The following CAPRIN2 variants were observed in gnomAD, a reference collection of about 807,000 sequenced individuals.
CAPRIN2 encodes caprin family member 2.
In CAPRIN2, 66 loss-of-function variants were observed where a neutral mutation model predicts 130.4. The observed-to-expected ratio is 0.51, with a 90% CI of 0.42 to 0.62. CAPRIN2 has a LOEUF of 0.62. Ranked by LOEUF, CAPRIN2 falls within the 20% of genes least tolerant of loss-of-function variation. The probability of loss-of-function intolerance (pLI) is 0.00; values close to 1 mark genes in which losing one functional copy is unlikely to be tolerated. For missense variants in CAPRIN2, 1,185 were observed against 1,246.6 expected, an observed-to-expected ratio of 0.95 and a Z score of 0.74; for synonymous variants, 471 against 444.1, an observed-to-expected ratio of 1.06 and a Z score of -0.76.
intron 4 of CAPRIN2, 94 bp downstream of exon 5, chr12:30,734,873 CA>C (rs2063999509): frequency 1.3e-6 from 1 of 776,930 alleles, no homozygotes; most frequent in Non-Finnish European, 2.3e-6. Flanking sequence ...CACACACACA[CA>C]CACACACACA....
chr12:30,734,917 A>G, intron 4 of CAPRIN2, 51 bp downstream of exon 5: 1 of 1,232,766 alleles, frequency 8.1e-7, no homozygotes, highest in Non-Finnish European at 1.2e-6. Flanking sequence ...CACCCCTAAA[A>G]AGCTAAAGTG....
At chr12:30,752,730 G>C (rs1385752150) in intron 1 of CAPRIN2, among the ~76,000 whole-genome samples, 1 of 151,954 alleles carries the variant, frequency 6.6e-6, no homozygotes, top group East Asian at 1.9e-4. Flanking sequence ...AAAAGCAGAA[G>C]AGAAACGTAA....
At chr12:30,749,396 G>T (rs148589494) in intron 2 of CAPRIN2, among the ~76,000 whole-genome samples, 1 of 152,170 alleles carries the variant, frequency 6.6e-6, no homozygotes, top group Non-Finnish European at 1.5e-5. Context: ...CAGGATCACT[G>T]AGTTTACTAC....
At chr12:30,749,020 G>A (rs116955139) in intron 2 of CAPRIN2, among the ~76,000 whole-genome samples, 4 of 152,276 alleles carry the variant, frequency 2.6e-5, no homozygotes, top group Non-Finnish European at 5.9e-5. Flanking sequence ...AGTGTGAATG[G>A]GGAAGTGGAG....
intron 5 of CAPRIN2, 96 bp downstream of exon 6, chr12:30,733,533 G>C (rs2063440956): frequency 7.5e-6 from 6 of 796,900 alleles, no homozygotes; most frequent in Non-Finnish European, 1.3e-5. Context: ...TGTAAGTTCT[G>C]ATGGACTAAC....
At chr12:30,723,191 T>G in intron 11 of CAPRIN2, 68 bp downstream of exon 12, 1 of 1,091,642 alleles carries the variant, frequency 9.2e-7, no homozygotes, top group Non-Finnish European at 1.4e-6. Context: ...GTAAGTCTGA[T>G]TATTCTTTCC....
chr12:30,747,837 T>C (rs1486443377), intron 2 of CAPRIN2, among the ~76,000 whole-genome samples: 1 of 152,150 alleles, frequency 6.6e-6, no homozygotes, highest in African/African-American at 2.4e-5. Flanking sequence ...TGGGAGGATG[T>C]CAAAATATCA....
At chr12:30,722,564 G>C (rs1041136003) in intron 11 of CAPRIN2, among the ~76,000 whole-genome samples, 1 of 152,136 alleles carries the variant, frequency 6.6e-6, no homozygotes, top group African/African-American at 2.4e-5. Context: ...TGAATTGGAG[G>C]AAAGTAGGAA....
intron 12 of CAPRIN2, among the ~76,000 whole-genome samples, chr12:30,718,620 A>G (rs1415176231): frequency 6.6e-6 from 1 of 152,244 alleles, no homozygotes; most frequent in Non-Finnish European, 1.5e-5. Context: ...AATCTGAACA[A>G]ATCTCCAAAA....
In CAPRIN2 at chr12:30,739,716, A is replaced by G. The variant is rs77730217; in HGVS notation, c.570+1304T>C. Among the ~76,000 whole-genome samples, 300 of 147,898 alleles carry G rather than the reference A, an allele frequency of 2.0e-3. 1 individual carries two copies. The highest frequency in any genetic ancestry group is 6.9e-3 in the African/African-American group (283 of 40,798). Reference sequence around the variant, plus strand: ...GGCGACAGGGCAAGACTCCGTCTCAAAAAAAAAAAAAAAAGAATAAGTTAC... The same window carrying G: ...GGCGACAGGGCAAGACTCCGTCTCAGAAAAAAAAAAAAAAGAATAAGTTAC... On this transcript the variant is annotated intron_variant, in intron 3 of 16. Transcript: ENST00000298892.
intron 5 of CAPRIN2, among the ~76,000 whole-genome samples, chr12:30,731,837 A>G (rs551327066): frequency 5.9e-5 from 9 of 152,018 alleles, no homozygotes; most frequent in Non-Finnish European, 1.3e-4. Context: ...AATGACTAAA[A>G]ATCAGAGACC....
intron 11 of CAPRIN2, among the ~76,000 whole-genome samples, chr12:30,722,852 C>T (rs187066066): frequency 5.3e-4 from 80 of 152,142 alleles, no homozygotes; most frequent in African/African-American, 1.9e-3. Context: ...TGCAGTGAGC[C>T]GAGATCATGC....
intron 2 of CAPRIN2, 102 bp downstream of exon 3, chr12:30,750,969 C>CTG (rs140578233): frequency 8.0e-5 from 65 of 814,612 alleles, no homozygotes; most frequent in South Asian, 1.4e-4. Context: ...TGGATTTTAA[C>CTG]TGTGTGTGTG....
intron 9 of CAPRIN2, among the ~76,000 whole-genome samples, chr12:30,724,772 C>T (rs971884552): frequency 6.6e-5 from 10 of 152,154 alleles, no homozygotes; most frequent in African/African-American, 2.4e-4. Context: ...AGAAGGATCG[C>T]TTGAGCTCAG....
chr12:30,728,950 G>A (rs374198235), exon 8 of CAPRIN2: 3 of 1,614,028 alleles, frequency 1.9e-6, no homozygotes, highest in Admixed American at 1.7e-5. Flanking sequence ...CACAGCTTTG[G>A]TGTCTCCTGT....
intron 6 of CAPRIN2, among the ~76,000 whole-genome samples, chr12:30,730,886 T>A (rs2062458540): frequency 1.3e-5 from 2 of 152,192 alleles, no homozygotes; most frequent in Admixed American, 1.3e-4. Context: ...AAGTATTTCT[T>A]CCCCAGGCAA....
rs1393114106 is a variant in CAPRIN2 at position 30,726,096 on chromosome 12, A to G, written c.1783-8T>C. On this transcript the variant is annotated splice_region_variant and splice_polypyrimidine_tract_variant and intron_variant, in intron 8 of 16. Transcript: ENST00000298892. ...ATGCACAGGCTTAGGCACCTACAAG[A>G]TAAACCCATAATGTGTAAGAGTGAA... 6.6e-7 allele frequency: 1 copy of G among 1,504,078 alleles called. No individual in the cohort carries two copies. The highest frequency in any genetic ancestry group is 1.4e-5 in the African/African-American group (1 of 71,106). 93.2% of individuals were successfully genotyped at this position (1,504,078 alleles called of 1,614,324 possible). A position where few individuals can be genotyped will look rare whatever the true frequency, so the allele number is the denominator to read the frequency against.
At chr12:30,734,865 C>A in intron 4 of CAPRIN2, 103 bp downstream of exon 5, 4 of 675,232 alleles carry the variant, frequency 5.9e-6, no homozygotes, top group Non-Finnish European at 1.1e-5. Context: ...CACACACACA[C>A]ACACACACAC....
chr12:30,747,508 T>A (rs1227652040), intron 2 of CAPRIN2, among the ~76,000 whole-genome samples: 1 of 151,940 alleles, frequency 6.6e-6, no homozygotes, highest in African/African-American at 2.4e-5. Context: ...AGAAACCCCA[T>A]CTCCACTAAA....
Sources: allele counts gnomAD v4.1 joint callset (sites outside exome capture counted in the v4.1 genomes callset), GRCh38; gene constraint gnomAD v4.1.1; transcripts MANE v1.5; gene names NCBI Gene and HGNC (gene_info 2026-07-23, HGNC 2026-07-21).